Variants in IARS1 observed in about 807,000 individuals in gnomAD.
IARS1 encodes the protein isoleucine--tRNA ligase, cytoplasmic.
Under a neutral mutation model 168.2 loss-of-function variants are expected in IARS1, and 124 were observed. The observed-to-expected ratio is 0.74, with a 90% confidence interval of 0.64 to 0.86. The LOEUF (loss-of-function observed/expected upper bound fraction) is 0.86, where lower values mean the gene tolerates loss of function less well. IARS1 is among the 40% of genes least tolerant of loss of function. The probability of loss-of-function intolerance (pLI) is 0.00; values close to 1 mark genes in which losing one functional copy is unlikely to be tolerated. For missense variants in IARS1, 1,452 were observed against 1,515.8 expected, an observed-to-expected ratio of 0.96 and a Z score of 0.70; for synonymous variants, 532 against 529.4, an observed-to-expected ratio of 1.00 and a Z score of -0.07.
At chr9:92,221,835 T>C (rs188975357) in intron 33 of IARS1, among the ~76,000 whole-genome samples, 1 of 152,294 alleles carries the variant, frequency 6.6e-6, no homozygotes, top group Non-Finnish European at 1.5e-5. Context: ...AAGGGAGGTA[T>C]AATGTCAGCT....
In IARS1 at chr9:92,229,358, T is replaced by TACACACACACACACACAC. The variant is rs113517739; in HGVS notation, c.3284-250_3284-233dup. Among the ~76,000 whole-genome samples, 792 of 144,886 alleles carry TACACACACACACACACAC rather than the reference T, an allele frequency of 5.5e-3. 9 individuals carry two copies. The highest frequency in any genetic ancestry group is 0.019 in the African/African-American group (717 of 38,734). On this transcript the variant is annotated intron_variant, in intron 30 of 33. Coordinates refer to ENST00000443024, the MANE Select transcript of IARS1 (RefSeq NM_002161.6). ...TATAGTGTATATGCAATATATACAC[T>TACACACACACACACACAC]ACACACACACACACACACACACACA...
intron 6 of IARS1, 56 bp from the exon 7 acceptor site, chr9:92,280,949 A>T: frequency 8.0e-7 from 1 of 1,256,692 alleles, no homozygotes; most frequent in South Asian, 1.5e-5. Context: ...CAGACACCTA[A>T]GAAAAAGGAA....
chr9:92,280,682 A>T (rs868308033), intron 7 of IARS1, 64 bp downstream of exon 7: 2 of 1,076,168 alleles, frequency 1.9e-6, no homozygotes, highest in Non-Finnish European at 2.7e-6. Context: ...GTAAGCTTTC[A>T]TATTTTCCAA....
chr9:92,270,096 T>A lies in IARS1; in HGVS notation c.1206-113A>T. 3 of 611,668 alleles carry A rather than the reference T, an allele frequency of 4.9e-6. No individual in the cohort carries two copies. In the Admixed American group the frequency reaches 8.0e-5, roughly 16 times the overall value. The allele number at this position is 611,668 out of a possible 1,614,324, so 37.9% of individuals were successfully genotyped here. A position where few individuals can be genotyped will look rare whatever the true frequency, so the allele number is the denominator to read the frequency against. On this transcript the variant is annotated intron_variant, in intron 12 of 33. Transcript: ENST00000443024. Reference sequence around the variant, plus strand: ...CATCATCACTTACTTGGCCTTCTGCTAATATTCATTTTTATTATAGATAAA... The same window carrying A: ...CATCATCACTTACTTGGCCTTCTGCAAATATTCATTTTTATTATAGATAAA...
chr9:92,251,864 A>G lies in IARS1; in HGVS notation c.2251T>C (p.Cys751Arg). The change falls in exon 22 of 34, where the codon TGT becomes CGT. Residue 751 changes from cysteine (C) to arginine (R), a missense_variant. Transcript: ENST00000443024. ...AACAAGGTTTCTAGGGCCATGACAC[A>G]ATCCTCCATCCCATTTTCACCCTAA... ...RLKGENGMED[C>R]VMALETLFSV... is the part of the protein sequence containing the mutation. 1.2e-6 allele frequency: 2 copies of G among 1,613,386 alleles called. No individual in the cohort carries two copies. Among genetic ancestry groups the G allele is most frequent in the Non-Finnish European group, 8.5e-7 (1 of 1,179,262 alleles).
intron 20 of IARS1, among the ~76,000 whole-genome samples, chr9:92,255,366 C>T (rs1830574051): frequency 6.6e-6 from 1 of 152,180 alleles, no homozygotes; most frequent in African/African-American, 2.4e-5. Context: ...ATTTGCCTTG[C>T]CCTCTTTTGC....
intron 23 of IARS1, 146 bp from the exon 24 acceptor site, chr9:92,250,435 G>A: frequency 1.5e-6 from 1 of 670,306 alleles, no homozygotes; most frequent in Non-Finnish European, 2.6e-6. Context: ...GGGCAGCGCA[G>A]TGCCTACCAC....
At chr9:92,251,990 T>G in intron 21 of IARS1, 105 bp from the exon 22 acceptor site, 1 of 807,872 alleles carries the variant, frequency 1.2e-6, no homozygotes, top group Non-Finnish European at 2.0e-6. Flanking sequence ...ACATGCAGCA[T>G]ACAGACAAGA....
chr9:92,221,457 G>GA (rs1409674306), intron 33 of IARS1, among the ~76,000 whole-genome samples: 4 of 152,144 alleles, frequency 2.6e-5, no homozygotes, highest in Non-Finnish European at 5.9e-5. Context: ...GGTATAAATA[G>GA]AAAAAAACAG....
At chr9:92,271,149 G>C in intron 11 of IARS1, 73 bp from the exon 12 acceptor site, 2 of 832,490 alleles carry the variant, frequency 2.4e-6, no homozygotes, top group South Asian at 2.1e-5. Context: ...ACTAGAATCT[G>C]ATACCTTGTT....
At chr9:92,284,775 A>C (rs1479638715) in intron 6 of IARS1, among the ~76,000 whole-genome samples, 3 of 152,216 alleles carry the variant, frequency 2.0e-5, no homozygotes, top group Non-Finnish European at 4.4e-5. Context: ...ACTCAAACAA[A>C]CAAACAAACA....
chr9:92,282,863 T>A (rs868748078), intron 6 of IARS1, among the ~76,000 whole-genome samples: 13 of 120,148 alleles, frequency 1.1e-4, no homozygotes, highest in Admixed American at 6.4e-4. Flanking sequence ...TATATATATT[T>A]TTTTTTTTTG....
At position 92,229,212 on chromosome 9, in the gene IARS1, G is replaced by A. The variant is rs1484243345; in HGVS notation, c.3284-86C>T. 1.1e-5 allele frequency: 15 copies of A among 1,396,852 alleles called. No individual in the cohort carries two copies. The Admixed American group carries it at 1.5e-4, about 14-fold the overall frequency. 86.5% of individuals were successfully genotyped at this position (1,396,852 alleles called of 1,614,324 possible). A position where few individuals can be genotyped will look rare whatever the true frequency, so the allele number is the denominator to read the frequency against. Reference sequence around the variant, plus strand: ...ATTTGGAGGAAAAGGGATACAAAGGGGTTCAAGCCCTAATATTTTTCCTTT... The same window carrying A: ...ATTTGGAGGAAAAGGGATACAAAGGAGTTCAAGCCCTAATATTTTTCCTTT... On this transcript the variant is annotated intron_variant, in intron 30 of 33. Transcript: ENST00000443024.
chr9:92,290,805 A>C (rs138425461), intron 1 of IARS1, among the ~76,000 whole-genome samples: 59 of 152,254 alleles, frequency 3.9e-4, no homozygotes, highest in African/African-American at 1.4e-3. Flanking sequence ...TCTGAAGAAA[A>C]ATATCTCAAA....
At chr9:92,229,757 A>G (rs562818095) in intron 30 of IARS1, among the ~76,000 whole-genome samples, 1 of 152,336 alleles carries the variant, frequency 6.6e-6, no homozygotes, top group African/African-American at 2.4e-5. Context: ...GTATACCACA[A>G]CCAGCATATT....
chr9:92,222,501 C>T lies in IARS1; in HGVS notation c.3706+19G>A, dbSNP rs375263105. 8.7e-6 allele frequency: 14 copies of T among 1,603,310 alleles called. No homozygotes were observed. The highest frequency in any genetic ancestry group is 6.7e-5 in the East Asian group (3 of 44,692). The stretch of plus-strand genomic sequence containing the variant: ...ACTTTCAACAAAAATAAAAAACTTA[C>T]GGTCCACAATCTCCTTACCCTGCGT... On this transcript the variant is annotated intron_variant, in intron 33 of 33. Transcript: ENST00000443024.
rs375225411 is a variant in IARS1 at position 92,253,419 on chromosome 9, G to C, written c.2172C>G (p.Val724=). 4.2e-5 allele frequency: 67 copies of C among 1,613,498 alleles called. No homozygotes were observed. The East Asian group carries it at 9.8e-4, about 24-fold the overall frequency. ...YRLYTVVPRL[V]KFVDILTNWY... is the part of the protein sequence containing the mutation. ...AATTGGTCAGAATATCTACAAACTT[G>C]ACCAGGCGAGGCACCACAGTATAAA... Residue 724 remains valine (V), a synonymous_variant, in exon 21 of 34, where the codon GTC becomes GTG. Coordinates refer to ENST00000443024, the MANE Select transcript of IARS1 (RefSeq NM_002161.6).
intron 9 of IARS1, among the ~76,000 whole-genome samples, chr9:92,276,813 G>A (rs947152007): frequency 5.3e-5 from 8 of 152,154 alleles, no homozygotes; most frequent in Admixed American, 3.3e-4. Flanking sequence ...CTATTCTTTC[G>A]GTGAGAGAGT....
At chr9:92,276,096 C>T (rs1833738787) in intron 9 of IARS1, among the ~76,000 whole-genome samples, 1 of 152,000 alleles carries the variant, frequency 6.6e-6, no homozygotes, top group Non-Finnish European at 1.5e-5. Context: ...AAAAAAAATA[C>T]AACATAAAAC....
Sources: allele counts gnomAD v4.1 joint callset (sites outside exome capture counted in the v4.1 genomes callset), GRCh38; gene constraint gnomAD v4.1.1; transcripts MANE v1.5; gene names NCBI Gene and HGNC (gene_info 2026-07-23, HGNC 2026-07-21).